Variants in PTPRD observed in about 807,000 individuals in gnomAD.
PTPRD encodes the protein protein tyrosine phosphatase receptor type D, also known as receptor-type tyrosine-protein phosphatase delta.
A neutral mutation model predicts 214.5 loss-of-function variants in PTPRD; 34 were observed. That is an observed-to-expected ratio of 0.16 (90% confidence interval 0.12 to 0.21). PTPRD has a LOEUF of 0.21. Among genes scored for constraint, PTPRD ranks in the 10% least tolerant of loss-of-function variants. The pLI, the probability that PTPRD is intolerant of heterozygous loss-of-function variation, is 1.00. For synonymous variants in PTPRD, 1,128 were observed against 845.7 expected (o/e 1.33, Z -5.79); for missense variants, 2,545 against 2,398.7 (o/e 1.06, Z -1.27).
chr9:10,203,213 G>A (rs1014939640), intron 3 of PTPRD, among the ~76,000 whole-genome samples: 6 of 149,540 alleles, frequency 4.0e-5, no homozygotes, highest in South Asian at 2.1e-4. Context: ...TTTCTGGAAG[G>A]AAGTATTCAT....
At chr9:10,124,232 G>A (rs1383559455) in intron 3 of PTPRD, among the ~76,000 whole-genome samples, 3 of 152,162 alleles carry the variant, frequency 2.0e-5, no homozygotes, top group African/African-American at 7.2e-5. Flanking sequence ...CAAGTTAGAA[G>A]AAGTTACTCA....
chr9:9,143,896 T>TA (rs1363345642), intron 10 of PTPRD, among the ~76,000 whole-genome samples: 1 of 152,240 alleles, frequency 6.6e-6, no homozygotes, highest in African/African-American at 2.4e-5. Context: ...CTCTTACACG[T>TA]AATACCTCAG....
intron 8 of PTPRD, among the ~76,000 whole-genome samples, chr9:9,506,504 A>G (rs530949665): frequency 1.3e-5 from 2 of 151,394 alleles, no homozygotes; most frequent in South Asian, 4.1e-4. Flanking sequence ...TGCTTCTTAT[A>G]TGGGTTTCTT....
intron 39 of PTPRD, among the ~76,000 whole-genome samples, chr9:8,367,090 A>G (rs1486813841): frequency 6.6e-6 from 1 of 152,150 alleles, no homozygotes; most frequent in Non-Finnish European, 1.5e-5. Flanking sequence ...ATGGTTGGTG[A>G]CCAAGGTAAG....
chr9:10,374,088 A>G (rs1221736744), intron 2 of PTPRD, among the ~76,000 whole-genome samples: 1 of 152,098 alleles, frequency 6.6e-6, no homozygotes, highest in Non-Finnish European at 1.5e-5. Context: ...GTAGTTATGT[A>G]TAAGTTATGT....
chr9:9,748,555 G>C (rs1379260741), intron 6 of PTPRD, among the ~76,000 whole-genome samples: 1 of 152,164 alleles, frequency 6.6e-6, no homozygotes, highest in Non-Finnish European at 1.5e-5. Flanking sequence ...CGACAGAAAA[G>C]CAGGATGGTG....
chr9:9,562,302 C>T (rs2083173772), intron 8 of PTPRD, among the ~76,000 whole-genome samples: 1 of 152,258 alleles, frequency 6.6e-6, no homozygotes, highest in Non-Finnish European at 1.5e-5. Context: ...GAAAATTTAT[C>T]TAAATTCTTT....
intron 5 of PTPRD, among the ~76,000 whole-genome samples, chr9:9,925,068 G>A (rs536768893): frequency 1.3e-5 from 2 of 152,156 alleles, no homozygotes; most frequent in South Asian, 2.1e-4. Flanking sequence ...ATATTACAGT[G>A]TTTATATTAT....
At chr9:10,172,887 C>T (rs976663282) in intron 3 of PTPRD, among the ~76,000 whole-genome samples, 10 of 152,020 alleles carry the variant, frequency 6.6e-5, no homozygotes, top group Non-Finnish European at 8.8e-5. Context: ...GATGGATGAA[C>T]CTTACAGAGG....
rs781372730 is a variant in PTPRD at position 8,633,432 on chromosome 9, T to C, written c.237A>G (p.Gly79=). The C allele has an allele frequency of 1.9e-6, 3 of 1,612,498 alleles. No individual in the cohort carries two copies. The highest frequency in any genetic ancestry group is 1.3e-5 in the African/African-American group (1 of 74,902). The change falls in exon 14 of 46, where the codon GGA becomes GGG. Residue 79 remains glycine, a synonymous_variant. Transcript: ENST00000381196. ...FEVIEFDDGS[G]SVLRIQPLRT... is the part of the protein sequence containing the mutation. Reference sequence around the variant, plus strand: ...GTAAGGGTTGTATTCTGAGAACTGATCCAGACCCATCGTCAAACTCTATTA... The same window carrying C: ...GTAAGGGTTGTATTCTGAGAACTGACCCAGACCCATCGTCAAACTCTATTA...
intron 7 of PTPRD, among the ~76,000 whole-genome samples, chr9:9,693,489 T>G (rs914039316): frequency 5.9e-5 from 9 of 152,166 alleles, no homozygotes; most frequent in African/African-American, 2.2e-4. Flanking sequence ...TTTAAATGTC[T>G]TTTCTTTATG....
At chr9:9,862,762 T>C (rs995537969) in intron 5 of PTPRD, among the ~76,000 whole-genome samples, 6 of 152,262 alleles carry the variant, frequency 3.9e-5, no homozygotes, top group African/African-American at 1.4e-4. Flanking sequence ...ACACCAACCC[T>C]AACACTTAAC....
chr9:10,061,139 T>C (rs1255749243), intron 3 of PTPRD, among the ~76,000 whole-genome samples: 2 of 151,704 alleles, frequency 1.3e-5, no homozygotes, highest in African/African-American at 4.8e-5. Context: ...TTGATTTAAA[T>C]AGAAAAGAAA....
At chr9:8,705,783 A>C (rs958933235) in intron 12 of PTPRD, among the ~76,000 whole-genome samples, 2 of 152,250 alleles carry the variant, frequency 1.3e-5, no homozygotes, top group Non-Finnish European at 2.9e-5. Context: ...TTAAAACAGT[A>C]GTAATAATAA....
chr9:8,982,741 T>G (rs1296917462), intron 11 of PTPRD, among the ~76,000 whole-genome samples: 4 of 152,066 alleles, frequency 2.6e-5, no homozygotes, highest in African/African-American at 9.7e-5. Flanking sequence ...TCAATTCATA[T>G]TTAGCAACCT....
At chr9:10,401,249 A>G (rs1278992119) in intron 2 of PTPRD, among the ~76,000 whole-genome samples, 1 of 151,588 alleles carries the variant, frequency 6.6e-6, no homozygotes, top group Non-Finnish European at 1.5e-5. Flanking sequence ...TATTTTATTT[A>G]ATACAGCAGT....
intron 3 of PTPRD, among the ~76,000 whole-genome samples, chr9:10,148,290 G>C (rs2099037667): frequency 6.6e-6 from 1 of 152,114 alleles, no homozygotes; most frequent in Non-Finnish European, 1.5e-5. Flanking sequence ...TCATCTATGA[G>C]AAATAAATTG....
chr9:9,079,750 T>C (rs1299544321), intron 10 of PTPRD, among the ~76,000 whole-genome samples: 4 of 152,056 alleles, frequency 2.6e-5, no homozygotes, highest in African/African-American at 7.2e-5. Flanking sequence ...GATCACAATA[T>C]GTATGCACTT....
At chr9:10,451,016 C>T (rs915760916) in intron 2 of PTPRD, among the ~76,000 whole-genome samples, 15 of 151,936 alleles carry the variant, frequency 9.9e-5, no homozygotes, top group African/African-American at 3.6e-4. Context: ...GTAAATGCCA[C>T]TTAATAACAT....
Sources: gnomAD v4.1 joint callset for allele counts (sites outside exome capture counted in the v4.1 genomes callset) on GRCh38, gnomAD v4.1.1 for gene constraint, MANE v1.5 for transcripts, NCBI Gene and HGNC (gene_info 2026-07-23, HGNC 2026-07-21) for gene names.